The following MAL2 variants were observed in gnomAD, a reference collection of about 807,000 sequenced individuals.
MAL2 encodes the protein protein MAL2.
A neutral mutation model predicts 18.1 loss-of-function variants in MAL2; 17 were observed. The observed-to-expected ratio is 0.94, with a 90% confidence interval of 0.64 to 1.41. The LOEUF (loss-of-function observed/expected upper bound fraction) is 1.41. Among genes scored for constraint, MAL2 ranks in the 40% most tolerant of loss-of-function variants. The pLI is 0.00. For synonymous variants in MAL2, 102 were observed against 102.3 expected (o/e 1.00, Z 0.02); for missense variants, 222 against 231.9 (o/e 0.96, Z 0.28).
chr8:119,216,081 T>C (rs1563768885), intron 1 of MAL2, among the ~76,000 whole-genome samples: 1 of 152,102 alleles, frequency 6.6e-6, no homozygotes, highest in Non-Finnish European at 1.5e-5. Context: ...ACCCCATAAG[T>C]AAACATCCAT....
chr8:119,208,844 G>A lies in MAL2; in HGVS notation c.132+240G>A. 1 of 469,556 alleles carries A rather than the reference G, an allele frequency of 2.1e-6. No homozygotes were observed. The highest frequency in any genetic ancestry group is 6.5e-4 in the Middle Eastern group (1 of 1,534). 29.1% of individuals were successfully genotyped at this position (469,556 alleles called of 1,614,324 possible). ...GGGCGACGGAAATTGCCTGGGGAGG[G>A]CGAGTAGGCGGCCCGGCAGGGCCGA... On this transcript the variant is annotated intron_variant, in intron 1 of 3. Coordinates refer to ENST00000614891, the MANE Select transcript of MAL2 (RefSeq NM_052886.3). This position sits in a 1 kb window ranked among gnomAD's most constrained non-coding sequence, Gnocchi z 4.3.
intron 2 of MAL2, among the ~76,000 whole-genome samples, chr8:119,235,946 T>C (rs1163308100): frequency 4.3e-4 from 41 of 95,000 alleles, no homozygotes; most frequent in South Asian, 1.3e-3. Context: ...CATAACAATA[T>C]TAACTTTAAA....
At chr8:119,225,230 A>G (rs959114462) in intron 2 of MAL2, among the ~76,000 whole-genome samples, 1 of 152,124 alleles carries the variant, frequency 6.6e-6, no homozygotes, top group Admixed American at 6.5e-5. Context: ...TTAACTCATC[A>G]TTTAACATCA....
chr8:119,211,593 G>C (rs1234368019), intron 1 of MAL2, among the ~76,000 whole-genome samples: 1 of 151,834 alleles, frequency 6.6e-6, no homozygotes, highest in African/African-American at 2.4e-5. Flanking sequence ...TTTGTTGGGA[G>C]ATATTACAAA....
chr8:119,232,545 C>T (rs183956074), intron 2 of MAL2, among the ~76,000 whole-genome samples: 85 of 152,138 alleles, frequency 5.6e-4, no homozygotes, highest in African/African-American at 2.0e-3. Context: ...ACAAAGAAGC[C>T]TAATAAACGA....
At chr8:119,227,123 TTTGTTGTAGTAGACAATGTAAGTAAA>T (rs1243707179) in intron 2 of MAL2, among the ~76,000 whole-genome samples, 1 of 151,988 alleles carries the variant, frequency 6.6e-6, no homozygotes, top group Admixed American at 6.6e-5. Flanking sequence ...TGTCAAAGAG[TTTGTTGTAGTAGACAATGTAAGTAAA>T]TTGTTACAAA....
intron 1 of MAL2, among the ~76,000 whole-genome samples, chr8:119,217,806 G>A (rs73709675): frequency 0.074 from 11,232 of 152,016 alleles, 1,199 homozygotes; most frequent in African/African-American, 0.24. Context: ...CTCCAGAGTC[G>A]TCTCTACTGA....
At chr8:119,243,367 A>G (rs370703360) in intron 3 of MAL2, 50 bp from the exon 4 acceptor site, 17 of 1,445,870 alleles carry the variant, frequency 1.2e-5, no homozygotes, top group East Asian at 5.0e-5. Flanking sequence ...GACACTGTTT[A>G]TAAGTCGGTG....
At position 119,244,926 on chromosome 8, in the gene MAL2, C is replaced by G. The variant is rs1818121159; in HGVS notation, c.*1438C>G. On this transcript the variant is annotated 3_prime_UTR_variant, in exon 4 of 4. Transcript: ENST00000614891. The stretch of plus-strand genomic sequence containing the variant: ...TTTGTATTGTTCTACTTTTTCAGCC[C>G]TTTACTTTCTGGCTGAAGCATCCCC... 1 of 152,546 alleles carries G rather than the reference C, an allele frequency of 6.6e-6. No individual in the cohort carries two copies. Among genetic ancestry groups the G allele is most frequent in the South Asian group, 2.1e-4 (1 of 4,830 alleles). The allele number at this position is 152,546 out of a possible 1,614,324, so 9.4% of individuals were successfully genotyped here. A position where few individuals can be genotyped will look rare whatever the true frequency, so the allele number is the denominator to read the frequency against.
chr8:119,222,112 T>C (rs1314871126), intron 2 of MAL2, among the ~76,000 whole-genome samples: 1 of 152,232 alleles, frequency 6.6e-6, no homozygotes, highest in African/African-American at 2.4e-5. Flanking sequence ...AAATTTTCCA[T>C]TAATTTCTGC....
intron 2 of MAL2, among the ~76,000 whole-genome samples, chr8:119,222,682 T>G (rs1049477637): frequency 2.6e-5 from 4 of 151,042 alleles, no homozygotes; most frequent in African/African-American, 9.7e-5. Context: ...ACAAAAAATA[T>G]CTGGACATGG....
At chr8:119,221,388 C>A in intron 1 of MAL2, 199 bp from the exon 2 acceptor site, 2 of 586,916 alleles carry the variant, frequency 3.4e-6, no homozygotes, top group Non-Finnish European at 3.0e-6. Flanking sequence ...GTTCTCCAAG[C>A]AGGAGGATTG....
intron 2 of MAL2, 118 bp downstream of exon 2, chr8:119,221,875 CCA>C: frequency 3.7e-6 from 4 of 1,070,690 alleles, no homozygotes; most frequent in Non-Finnish European, 5.3e-6. Context: ...AGCGGTCCAA[CCA>C]CAGAGACTGC....
chr8:119,210,210 A>G (rs146459476), intron 1 of MAL2, among the ~76,000 whole-genome samples: 47 of 152,306 alleles, frequency 3.1e-4, no homozygotes, highest in African/African-American at 1.1e-3. Flanking sequence ...GTTTATTCAA[A>G]TATATGTATG....
chr8:119,236,601 C>A (rs1221251501), intron 2 of MAL2, among the ~76,000 whole-genome samples: 3 of 151,776 alleles, frequency 2.0e-5, no homozygotes, highest in Admixed American at 2.0e-4. Flanking sequence ...TCTCTCAGAC[C>A]ACAGTGCAAT....
intron 1 of MAL2, among the ~76,000 whole-genome samples, chr8:119,213,874 C>A (rs1173607511): frequency 6.6e-6 from 1 of 152,078 alleles, no homozygotes; most frequent in African/African-American, 2.4e-5. Flanking sequence ...GGAAAATAAA[C>A]CAATGCCCCT....
Position 119,208,695 on chromosome 8 carries a change from C to A in MAL2, c.132+91C>A. The A allele has an allele frequency of 8.2e-7, 1 of 1,213,044 alleles. No homozygotes were observed. The highest frequency in any genetic ancestry group is 1.0e-6 in the Non-Finnish European group (1 of 974,608). The allele number at this position is 1,213,044 out of a possible 1,614,324, so 75.1% of individuals were successfully genotyped here. A position where few individuals can be genotyped will look rare whatever the true frequency, so the allele number is the denominator to read the frequency against. On this transcript the variant is annotated intron_variant, in intron 1 of 3. Transcript: ENST00000614891. This position sits in a 1 kb window ranked among gnomAD's most constrained non-coding sequence, Gnocchi z 4.3. ...CCGGGCTGTCTTCCTCTGCGTCCGC[C>A]CCCGGCCTCCTTCCCTTCGACGTGG... is the stretch of plus-strand genomic sequence containing the variant.
At chr8:119,214,357 C>T (rs1229594513) in intron 1 of MAL2, among the ~76,000 whole-genome samples, 1 of 152,148 alleles carries the variant, frequency 6.6e-6, no homozygotes, top group African/African-American at 2.4e-5. Flanking sequence ...CTTGAATTTC[C>T]TAAGTGTTCT....
chr8:119,229,865 G>C (rs545148287), intron 2 of MAL2, among the ~76,000 whole-genome samples: 1 of 152,130 alleles, frequency 6.6e-6, no homozygotes, highest in South Asian at 2.1e-4. Context: ...CCATAGGTAC[G>C]AACTGAGGAA....
Sources: gnomAD v4.1 joint callset for allele counts (sites outside exome capture counted in the v4.1 genomes callset) on GRCh38, gnomAD v4.1.1 for gene constraint, Gnocchi (gnomAD v3.1) non-coding constraint, MANE v1.5 for transcripts, NCBI Gene and HGNC (gene_info 2026-07-23, HGNC 2026-07-21) for gene names.